The following METAP1D variants were observed in gnomAD, a reference collection of about 807,000 sequenced individuals.
METAP1D encodes methionine aminopeptidase 1D, mitochondrial.
In METAP1D, 31 loss-of-function variants were observed where a neutral mutation model predicts 40.5. The ratio of observed to expected loss-of-function variants is 0.77; its 90% confidence interval spans 0.58 to 1.03. The LOEUF (loss-of-function observed/expected upper bound fraction) is 1.03, where lower values mean the gene tolerates loss of function less well. METAP1D is among the 50% of genes least tolerant of loss of function. The pLI is 0.00. For synonymous variants in METAP1D, 151 were observed against 146.4 expected (o/e 1.03, Z -0.22); for missense variants, 411 against 420.7 (o/e 0.98, Z 0.20).
chr2:172,065,537 G>A, intron 3 of METAP1D, 67 bp from the exon 4 acceptor site: 1 of 1,511,338 alleles, frequency 6.6e-7, no homozygotes, highest in Non-Finnish European at 9.1e-7. Context: ...TGTTGCTATA[G>A]CATAGTTGAT....
intron 1 of METAP1D, among the ~76,000 whole-genome samples, chr2:172,036,339 A>G (rs1203198500): frequency 6.8e-6 from 1 of 147,954 alleles, no homozygotes; most frequent in Non-Finnish European, 1.5e-5. Flanking sequence ...AAAAGAATTT[A>G]CTGTAATTTA....
chr2:172,021,482 G>T, intron 1 of METAP1D, among the ~76,000 whole-genome samples: 1 of 152,190 alleles, frequency 6.6e-6, no homozygotes, highest in East Asian at 1.9e-4. Flanking sequence ...AGTTGAAACT[G>T]ATTTTCAAAG....
intron 1 of METAP1D, among the ~76,000 whole-genome samples, chr2:172,016,318 T>A (rs1277546653): frequency 5.0e-5 from 5 of 99,444 alleles, no homozygotes; most frequent in African/African-American, 1.4e-4. Flanking sequence ...TATATATATA[T>A]ATATATATAT....
intron 1 of METAP1D, among the ~76,000 whole-genome samples, chr2:172,041,188 C>T (rs1053560043): frequency 6.6e-6 from 1 of 151,444 alleles, no homozygotes; most frequent in Non-Finnish European, 1.5e-5. Context: ...AGGCTGGATG[C>T]GGTGGCTCAT....
intron 1 of METAP1D, among the ~76,000 whole-genome samples, chr2:172,048,002 A>G (rs1365790039): frequency 6.6e-6 from 1 of 152,218 alleles, no homozygotes; most frequent in Non-Finnish European, 1.5e-5. Flanking sequence ...ACTCTCAGGA[A>G]AACATCAAAA....
intron 2 of METAP1D, among the ~76,000 whole-genome samples, chr2:172,062,766 C>T (rs1050134742): frequency 2.8e-4 from 43 of 152,244 alleles, no homozygotes; most frequent in African/African-American, 9.4e-4. Flanking sequence ...AGTGAAGACC[C>T]GTAACTCCTG....
At chr2:172,010,608 T>C (rs1558992517) in intron 1 of METAP1D, among the ~76,000 whole-genome samples, 1 of 148,538 alleles carries the variant, frequency 6.7e-6, no homozygotes, top group Non-Finnish European at 1.5e-5. Context: ...TTCTCCTGCC[T>C]CAGCCCCCCG....
At chr2:172,075,029 C>T (rs1014698153) in intron 6 of METAP1D, among the ~76,000 whole-genome samples, 6 of 152,090 alleles carry the variant, frequency 3.9e-5, no homozygotes, top group African/African-American at 1.4e-4. Context: ...AGTATAACTG[C>T]CTCATGAAAA....
At chr2:172,056,851 G>C (rs564033097) in intron 1 of METAP1D, among the ~76,000 whole-genome samples, 1 of 152,302 alleles carries the variant, frequency 6.6e-6, no homozygotes, top group East Asian at 1.9e-4. Context: ...TGACCTCCAA[G>C]CTCATGCTGT....
chr2:172,013,587 G>C (rs968582072), intron 1 of METAP1D, among the ~76,000 whole-genome samples: 1 of 152,126 alleles, frequency 6.6e-6, no homozygotes, highest in Non-Finnish European at 1.5e-5. Flanking sequence ...GCAGGGAGAA[G>C]AAGTAGGCAA....
At chr2:172,063,601 G>T in intron 2 of METAP1D, 110 bp from the exon 3 acceptor site, 1 of 839,286 alleles carries the variant, frequency 1.2e-6, no homozygotes. Flanking sequence ...GGAGGTCGGT[G>T]CTCCGGCAGG....
At chr2:172,074,383 G>A (rs1690497596) in intron 6 of METAP1D, among the ~76,000 whole-genome samples, 1 of 152,072 alleles carries the variant, frequency 6.6e-6, no homozygotes, top group South Asian at 2.1e-4. Context: ...AACAATAAGT[G>A]GCTCAGGCAA....
intron 1 of METAP1D, among the ~76,000 whole-genome samples, chr2:172,016,275 CAAAAAAAAA>C (rs1172458646): frequency 2.1e-4 from 2 of 9,726 alleles, no homozygotes; most frequent in South Asian, 5.0e-3. Context: ...GACCCTGTCT[CAAAAAAAAA>C]AAAAAAAAAA....
chr2:172,044,323 G>A (rs1689681704), intron 1 of METAP1D, among the ~76,000 whole-genome samples: 3 of 128,550 alleles, frequency 2.3e-5, no homozygotes, highest in African/African-American at 2.6e-5. Context: ...CACTTTGGGA[G>A]GCCGAGGCAG....
intron 8 of METAP1D, 95 bp downstream of exon 8, chr2:172,079,357 G>A (rs1304283784): frequency 3.7e-6 from 4 of 1,089,442 alleles, no homozygotes; most frequent in Admixed American, 3.6e-5. Context: ...GACCAATAAA[G>A]CCAATCAGTG....
chr2:172,059,773 CAG>C (rs1327729481), intron 1 of METAP1D, among the ~76,000 whole-genome samples: 1 of 152,292 alleles, frequency 6.6e-6, no homozygotes, highest in Middle Eastern at 3.4e-3. Context: ...TTGTTCTGGC[CAG>C]GCGCGGTGGC....
At chr2:172,054,066 A>T (rs1689945312) in intron 1 of METAP1D, among the ~76,000 whole-genome samples, 1 of 152,232 alleles carries the variant, frequency 6.6e-6, no homozygotes, top group Non-Finnish European at 1.5e-5. Context: ...ATTAAGGGTC[A>T]TTAGTAAAGG....
chr2:172,046,110 T>G (rs1242900348), intron 1 of METAP1D, among the ~76,000 whole-genome samples: 2 of 150,780 alleles, frequency 1.3e-5, no homozygotes, highest in African/African-American at 2.4e-5. Flanking sequence ...ACTTCGATTC[T>G]GAAAATAGAG....
chr2:172,045,382 C>T (rs537949438), intron 1 of METAP1D, among the ~76,000 whole-genome samples: 3 of 132,276 alleles, frequency 2.3e-5, no homozygotes, highest in Non-Finnish European at 3.5e-5. Flanking sequence ...CTATATAAGC[C>T]GGGCGCGGTG....
Sources: allele counts gnomAD v4.1 joint callset (sites outside exome capture counted in the v4.1 genomes callset), GRCh38; gene constraint gnomAD v4.1.1; transcripts MANE v1.5; gene names NCBI Gene and HGNC (gene_info 2026-07-23, HGNC 2026-07-21).